Variants in STK32B observed in about 807,000 individuals in gnomAD.
The protein encoded by STK32B is serine/threonine kinase 32B, also known as serine/threonine-protein kinase 32B.
Under a neutral mutation model 52.6 loss-of-function variants are expected in STK32B, and 43 were observed. The ratio of observed to expected loss-of-function variants is 0.82; its 90% CI spans 0.64 to 1.05. The LOEUF (loss-of-function observed/expected upper bound fraction) is 1.05, where lower values mean the gene tolerates loss of function less well. STK32B is among the 50% of genes least tolerant of loss of function. STK32B has a pLI of 0.00. For missense variants in STK32B, 621 were observed against 534.6 expected (o/e 1.16, Z -1.59); for synonymous variants, 238 against 204.3 (o/e 1.17, Z -1.41).
chr4:5,079,072 CT>C (rs1278532902), intron 1 of STK32B, among the ~76,000 whole-genome samples: 1 of 152,120 alleles, frequency 6.6e-6, no homozygotes, highest in Non-Finnish European at 1.5e-5. Context: ...CCTCTCCAAA[CT>C]TTTTTTAGTA....
intron 4 of STK32B, among the ~76,000 whole-genome samples, chr4:5,375,734 C>T (rs187098392): frequency 1.3e-5 from 2 of 152,194 alleles, no homozygotes; most frequent in Admixed American, 1.3e-4. Context: ...TGAAGGTTTT[C>T]CTCAAATGTC....
At chr4:5,477,908 C>T (rs1718366577) in intron 11 of STK32B, among the ~76,000 whole-genome samples, 1 of 152,182 alleles carries the variant, frequency 6.6e-6, no homozygotes, top group Non-Finnish European at 1.5e-5. Context: ...AGTGCAGGTC[C>T]TTCCAGTGCC....
chr4:5,162,901 G>A (rs1420673417), intron 2 of STK32B, among the ~76,000 whole-genome samples: 1 of 152,188 alleles, frequency 6.6e-6, no homozygotes, highest in Non-Finnish European at 1.5e-5. Flanking sequence ...AGCTTGTGAG[G>A]CCAAAATGCT....
At chr4:5,384,490 G>C (rs1338588364) in intron 4 of STK32B, among the ~76,000 whole-genome samples, 3 of 152,132 alleles carry the variant, frequency 2.0e-5, no homozygotes, top group African/African-American at 7.2e-5. Context: ...GGTTGGGGCA[G>C]GTCAAAGAAC....
At chr4:5,138,364 G>A (rs1230438756) in intron 1 of STK32B, among the ~76,000 whole-genome samples, 2 of 151,998 alleles carry the variant, frequency 1.3e-5, no homozygotes, top group Non-Finnish European at 2.9e-5. Context: ...CTTCCATTAT[G>A]TGGTGAACTA....
intron 2 of STK32B, chr4:5,140,445 T>C: frequency 2.4e-6 from 1 of 409,674 alleles, no homozygotes; most frequent in Non-Finnish European, 3.7e-6. Flanking sequence ...CAGAAATTTT[T>C]TTTTTTGGCA....
At chr4:5,148,589 G>A (rs973054042) in intron 2 of STK32B, among the ~76,000 whole-genome samples, 28 of 151,608 alleles carry the variant, frequency 1.8e-4, no homozygotes, top group African/African-American at 6.8e-4. Flanking sequence ...TGTGGTCCAA[G>A]AACATACTCT....
Position 5,323,591 on chromosome 4 carries a change from C to T in STK32B, c.261-7629C>T, listed in dbSNP as rs111367055. Reference sequence around the variant, plus strand: ...TGACATAAACAGCAGGGCCTAGCACCCTTCCTTCCCCATCAACCCTCTACC... The same window carrying T: ...TGACATAAACAGCAGGGCCTAGCACTCTTCCTTCCCCATCAACCCTCTACC... On this transcript the variant is annotated intron_variant, in intron 3 of 11. Transcript: ENST00000282908. 1.5e-3 allele frequency among the ~76,000 whole-genome samples: 227 copies of T among 152,250 alleles called. 1 individual carries two copies. Among genetic ancestry groups the T allele is most frequent in the Non-Finnish European group, 2.6e-3 (180 of 68,008 alleles).
At chr4:5,433,709 G>C (rs191483389) in intron 6 of STK32B, among the ~76,000 whole-genome samples, 10 of 152,348 alleles carry the variant, frequency 6.6e-5, no homozygotes, top group Non-Finnish European at 1.2e-4. Context: ...TCGCAGGCTA[G>C]ATGTTGAATA....
intron 3 of STK32B, among the ~76,000 whole-genome samples, chr4:5,264,078 G>T (rs1726898641): frequency 6.6e-6 from 1 of 152,156 alleles, no homozygotes; most frequent in African/African-American, 2.4e-5. Context: ...ACACATGTGG[G>T]TTGTTTTGGG....
intron 3 of STK32B, among the ~76,000 whole-genome samples, chr4:5,255,305 A>T (rs1039164758): frequency 6.6e-6 from 1 of 152,176 alleles, no homozygotes; most frequent in East Asian, 1.9e-4. Context: ...ATTTAATGAG[A>T]TTTGATGTCT....
intron 11 of STK32B, among the ~76,000 whole-genome samples, chr4:5,472,471 T>C (rs1717919273): frequency 6.6e-6 from 1 of 152,238 alleles, no homozygotes. Context: ...CTTCCAGGGC[T>C]GGTCAGGGCT....
chr4:5,499,007 A>T lies in STK32B; in HGVS notation c.1169A>T (p.Gln390Leu), dbSNP rs772845296. 26 of 1,613,738 alleles carry T rather than the reference A, an allele frequency of 1.6e-5. No homozygotes were observed. In the South Asian group the frequency reaches 2.4e-4, roughly 15 times the overall value. ...GACACCGACAGCCGAGGGGGAGGCC[A>T]GGCCCAAAGCAAGCTCCAGGACGGG... ...LLDTDSRGGG[Q>L]AQSKLQDGCN... The change falls in exon 12 of 12, where the codon CAG becomes CTG. Residue 390 changes from glutamine to leucine, a missense_variant. Gln to Leu is a moderately radical substitution (Grantham distance 113). Coordinates refer to ENST00000282908, the MANE Select transcript of STK32B (RefSeq NM_018401.3).
At chr4:5,482,206 C>T (rs1270194685) in intron 11 of STK32B, among the ~76,000 whole-genome samples, 1 of 152,198 alleles carries the variant, frequency 6.6e-6, no homozygotes, top group Non-Finnish European at 1.5e-5. Flanking sequence ...ATTGATTCTT[C>T]CTACCCATGA....
intron 4 of STK32B, among the ~76,000 whole-genome samples, chr4:5,354,804 C>T (rs1016172325): frequency 6.6e-6 from 1 of 151,960 alleles, no homozygotes; most frequent in Non-Finnish European, 1.5e-5. Flanking sequence ...GTATGTACCC[C>T]ATAAATAGGT....
chr4:5,277,080 A>G (rs1438323795), intron 3 of STK32B, among the ~76,000 whole-genome samples: 3 of 152,172 alleles, frequency 2.0e-5, no homozygotes, highest in Non-Finnish European at 4.4e-5. Context: ...AATCCTTATG[A>G]TACATGTGGG....
rs117632494 is a variant in STK32B at position 5,192,134 on chromosome 4, C to T, written c.260+23684C>T. Among the ~76,000 whole-genome samples, 9 of 152,324 alleles carry T rather than the reference C, an allele frequency of 5.9e-5. No homozygotes were observed. The East Asian group carries it at 1.7e-3, about 29-fold the overall frequency. On this transcript the variant is annotated intron_variant, in intron 3 of 11. Coordinates refer to ENST00000282908, the MANE Select transcript of STK32B (RefSeq NM_018401.3). ...CTATTGTGGAGAACACTTTGAGATGCCAGCACCGAATGACAGGATCAGTTG... is the reference window on the plus strand; with the variant it reads ...CTATTGTGGAGAACACTTTGAGATGTCAGCACCGAATGACAGGATCAGTTG...
intron 2 of STK32B, among the ~76,000 whole-genome samples, chr4:5,156,875 T>G (rs981832721): frequency 6.6e-6 from 1 of 152,206 alleles, no homozygotes; most frequent in African/African-American, 2.4e-5. Context: ...CCATACCGCC[T>G]TATTATGCAA....
chr4:5,452,021 C>T (rs952158665), intron 7 of STK32B, among the ~76,000 whole-genome samples: 8 of 152,162 alleles, frequency 5.3e-5, no homozygotes, highest in Middle Eastern at 3.2e-3. Context: ...GAGACAGGCA[C>T]GGAGAGCAGA....
Sources: allele counts gnomAD v4.1 joint callset (sites outside exome capture counted in the v4.1 genomes callset), GRCh38; gene constraint gnomAD v4.1.1; transcripts MANE v1.5; gene names NCBI Gene and HGNC (gene_info 2026-07-23, HGNC 2026-07-21).